Variants in HIVEP1 observed in about 807,000 individuals in gnomAD.
HIVEP1 encodes HIVEP zinc finger 1, also known as zinc finger protein 40.
In HIVEP1, 36 loss-of-function variants were observed where a neutral mutation model predicts 180.0. That is an observed-to-expected ratio of 0.20 (90% CI 0.15 to 0.26). HIVEP1 has a LOEUF of 0.26. Among genes scored for constraint, HIVEP1 ranks in the 10% least tolerant of loss-of-function variants. The pLI, the probability that HIVEP1 is intolerant of heterozygous loss-of-function variation, is 1.00. For missense variants in HIVEP1, 3,143 were observed against 3,268.7 expected, an observed-to-expected ratio of 0.96 and a Z score of 0.94; for synonymous variants, 1,239 against 1,239.0, an observed-to-expected ratio of 1.00 and a Z score of 0.00.
chr6:12,059,317 C>T (rs905524118), intron 2 of HIVEP1, among the ~76,000 whole-genome samples: 8 of 152,098 alleles, frequency 5.3e-5, no homozygotes, highest in African/African-American at 1.4e-4. Flanking sequence ...GAATTACAGG[C>T]GTGAGCCACT....
chr6:12,098,044 A>C (rs1773875879), intron 3 of HIVEP1, among the ~76,000 whole-genome samples: 1 of 152,206 alleles, frequency 6.6e-6, no homozygotes, highest in Admixed American at 6.5e-5. Flanking sequence ...AGCATATTTC[A>C]TTGACTTCAA....
the HIVEP1 span, among the ~76,000 whole-genome samples, chr6:12,191,390 G>T: frequency 6.6e-6 from 1 of 152,194 alleles, no homozygotes; most frequent in Non-Finnish European, 1.5e-5. Flanking sequence ...AGGAGTTCAA[G>T]ATCAGCCTGG....
intron 2 of HIVEP1, among the ~76,000 whole-genome samples, chr6:12,026,983 C>T (rs575476568): frequency 5.3e-5 from 8 of 152,268 alleles, no homozygotes; most frequent in Non-Finnish European, 1.2e-4. Flanking sequence ...CTGACTAAAT[C>T]CAATCCTCCA....
chr6:12,114,766 A>C (rs1775115588), intron 3 of HIVEP1, among the ~76,000 whole-genome samples: 1 of 152,142 alleles, frequency 6.6e-6, no homozygotes, highest in African/African-American at 2.4e-5. Flanking sequence ...CTTGTCCTGA[A>C]TTTCCAGCTA....
chr6:12,081,442 T>C (rs1269188710), intron 2 of HIVEP1, among the ~76,000 whole-genome samples: 2 of 152,160 alleles, frequency 1.3e-5, no homozygotes, highest in Non-Finnish European at 2.9e-5. Flanking sequence ...GTGGAGGCAG[T>C]TGGATATGAA....
At chr6:12,202,365 C>T in the HIVEP1 span, among the ~76,000 whole-genome samples, 1 of 152,044 alleles carries the variant, frequency 6.6e-6, no homozygotes, top group African/African-American at 2.4e-5. Context: ...TCTCAAACTC[C>T]TGGGCTCAAG....
intron 2 of HIVEP1, among the ~76,000 whole-genome samples, chr6:12,035,249 C>T (rs1769200046): frequency 6.6e-6 from 1 of 152,168 alleles, no homozygotes; most frequent in Non-Finnish European, 1.5e-5. Flanking sequence ...ATTAATCTTT[C>T]TAAGTGTATC....
intron 3 of HIVEP1, among the ~76,000 whole-genome samples, chr6:12,091,780 C>T (rs528599877): frequency 7.9e-5 from 12 of 152,186 alleles, no homozygotes; most frequent in Admixed American, 2.0e-4. Flanking sequence ...ATGCAACATT[C>T]ACACAAGTCT....
the HIVEP1 span, among the ~76,000 whole-genome samples, chr6:12,208,814 C>G: frequency 1.3e-5 from 2 of 152,174 alleles, no homozygotes; most frequent in African/African-American, 2.4e-5. Context: ...ATCTCAGACT[C>G]CTCCAAAACA....
chr6:12,163,851 C>T lies in HIVEP1; in HGVS notation c.7547C>T (p.Ala2516Val). The change falls in exon 9 of 9, where the codon GCT becomes GTT. Residue 2516 changes from alanine to valine, a missense_variant. Around this residue, in one of 12 missense-constraint regions of HIVEP1, gnomAD observed 595 missense variants for 602.2 expected, o/e 0.99. Transcript: ENST00000379388. ...MAPQVHPPGL[A>V]LNAVGLQVLT... ...CCACAAGTCCATCCACCAGGACTGG[C>T]TCTGAATGCTGTCGGACTGCAGGTT... 1 of 1,614,208 alleles carries T rather than the reference C, an allele frequency of 6.2e-7. No homozygotes were observed. The highest frequency in any genetic ancestry group is 8.5e-7 in the Non-Finnish European group (1 of 1,180,036).
At chr6:12,050,592 AAAAAAAT>A (rs1770442675) in intron 2 of HIVEP1, among the ~76,000 whole-genome samples, 2 of 150,132 alleles carry the variant, frequency 1.3e-5, no homozygotes, top group African/African-American at 5.0e-5. Flanking sequence ...TCTCAAAAAA[AAAAAAAT>A]AAAAAAATTA....
At chr6:12,137,704 T>TAAC (rs139244204) in intron 7 of HIVEP1, among the ~76,000 whole-genome samples, 1,576 of 152,230 alleles carry the variant, frequency 0.01, 25 homozygotes, top group African/African-American at 0.036. Context: ...GCTAGAGACC[T>TAAC]AACATTCTGT....
chr6:12,033,030 C>G (rs1418685564), intron 2 of HIVEP1, among the ~76,000 whole-genome samples: 1 of 152,208 alleles, frequency 6.6e-6, no homozygotes, highest in African/African-American at 2.4e-5. Flanking sequence ...TAGACGGTCC[C>G]TGACTTAACC....
the HIVEP1 span, among the ~76,000 whole-genome samples, chr6:12,208,513 G>A: frequency 6.6e-6 from 1 of 152,148 alleles, no homozygotes; most frequent in African/African-American, 2.4e-5. Flanking sequence ...AAGTTACCCT[G>A]AGTGTTCCGT....
At chr6:12,102,762 G>A (rs1336384058) in intron 3 of HIVEP1, among the ~76,000 whole-genome samples, 2 of 152,196 alleles carry the variant, frequency 1.3e-5, no homozygotes, top group East Asian at 3.8e-4. Context: ...TGAAGATACA[G>A]AAATAACATT....
At chr6:12,010,669 T>A (rs1386984951), upstream of HIVEP1, among the ~76,000 whole-genome samples, 1 of 152,134 alleles carries the variant, frequency 6.6e-6, no homozygotes, top group African/African-American at 2.4e-5. Context: ...GGTGGCCCGT[T>A]AAACCAGCCA....
rs1350100812 is a variant in HIVEP1 at position 12,121,544 on chromosome 6, C to A, written c.1749C>A (p.Pro583=). The A allele has an allele frequency of 1.2e-6, 2 of 1,614,124 alleles. No homozygotes were observed. The highest frequency in any genetic ancestry group is 3.3e-5 in the Admixed American group (2 of 60,018). The change falls in exon 4 of 9, where the codon CCC becomes CCA. Residue 583 remains proline, a synonymous_variant. Transcript: ENST00000379388. This position sits in a 1 kb window ranked among gnomAD's most constrained non-coding sequence, Gnocchi z 5.3. The stretch of plus-strand genomic sequence containing the variant: ...CTGACAGTCCAAAGGCCATGGATCC[C>A]AAGCCTGAACTTTCTAGTGCACAAA... The part of the protein sequence containing the change: ...LRTDSPKAMD[P]KPELSSAQKQ...
intron 2 of HIVEP1, among the ~76,000 whole-genome samples, chr6:12,064,001 G>C (rs1771401604): frequency 6.6e-6 from 1 of 152,124 alleles, no homozygotes; most frequent in Non-Finnish European, 1.5e-5. Context: ...TTTTGGCAAG[G>C]AACATGCCTT....
chr6:12,195,042 T>G, the HIVEP1 span, among the ~76,000 whole-genome samples: 4 of 152,330 alleles, frequency 2.6e-5, no homozygotes, highest in Non-Finnish European at 4.4e-5. Flanking sequence ...AAAAGAGAGA[T>G]GAAATTTCCT....
Sources: allele counts gnomAD v4.1 joint callset (sites outside exome capture counted in the v4.1 genomes callset), GRCh38; gene constraint gnomAD v4.1.1; regional missense constraint gnomAD v4.1.1; non-coding constraint Gnocchi (gnomAD v3.1); transcripts MANE v1.5; gene names NCBI Gene and HGNC (gene_info 2026-07-23, HGNC 2026-07-21).